ZNF329: variants seen among roughly 807,000 people sequenced by gnomAD.
The protein encoded by ZNF329 is zinc finger protein 329.
Under a neutral mutation model 26.6 loss-of-function variants are expected in ZNF329, and 15 were observed. The observed-to-expected ratio is 0.56, with a 90% CI of 0.38 to 0.87. The LOEUF (loss-of-function observed/expected upper bound fraction) is 0.87. ZNF329 is among the 40% of genes least tolerant of loss of function. The pLI is 0.00. For synonymous variants in ZNF329, 239 were observed against 233.5 expected (o/e 1.02, Z -0.21); for missense variants, 651 against 651.9 (o/e 1.00, Z 0.02).
intron 3 of ZNF329, among the ~76,000 whole-genome samples, chr19:58,139,133 G>A (rs1233233166): frequency 3.9e-5 from 6 of 152,026 alleles, no homozygotes; most frequent in Middle Eastern, 3.2e-3. Context: ...TCTCTTGGGG[G>A]TAGGGAGGCT....
chr19:58,143,983 AG>A (rs2075243153), intron 1 of ZNF329, among the ~76,000 whole-genome samples: 1 of 151,792 alleles, frequency 6.6e-6, no homozygotes, highest in Non-Finnish European at 1.5e-5. Context: ...CGGGAGGCTG[AG>A]GGAGAAGAAT....
At chr19:58,136,977 T>G (rs927220017) in intron 3 of ZNF329, 2 of 190,534 alleles carry the variant, frequency 1.0e-5, no homozygotes, top group Admixed American at 4.8e-5. Flanking sequence ...AGCCATAAAC[T>G]CAAAGTGATA....
chr19:58,149,316 A>G (rs2075396759), intron 1 of ZNF329, among the ~76,000 whole-genome samples: 1 of 152,096 alleles, frequency 6.6e-6, no homozygotes, highest in African/African-American at 2.4e-5. Context: ...CCATTTTTTT[A>G]TTCCTTTACT....
upstream of ZNF329, among the ~76,000 whole-genome samples, chr19:58,153,797 C>T (rs2075497883): frequency 6.6e-6 from 1 of 152,080 alleles, no homozygotes; most frequent in South Asian, 2.1e-4. Flanking sequence ...CAGCCTTGAC[C>T]TCCTGGGCTC....
In ZNF329 at chr19:58,127,969, C is replaced by T. The variant is rs200425807; in HGVS notation, c.1535G>A (p.Arg512Gln). Residue 512 changes from arginine to glutamine, a missense_variant, in exon 4 of 4, where the codon CGG (arginine) becomes CAG (glutamine). Physicochemically the swap from Arg to Gln is conservative, Grantham distance 43. Coordinates refer to ENST00000598312, the MANE Select transcript of ZNF329 (RefSeq NM_024620.4). Reference sequence around the variant, plus strand: ...GAACATTTTTCCACACTGAGGACACCGGCTGGGACCCTCCCTGCTATGGAG... The same window carrying T: ...GAACATTTTTCCACACTGAGGACACTGGCTGGGACCCTCCCTGCTATGGAG... ...QRLHSREGPS[R>Q]CPQCGKMFQK... The T allele has an allele frequency of 6.6e-5, 106 of 1,613,900 alleles. No homozygotes were observed. In the Admixed American group the frequency reaches 7.8e-4, roughly 12 times the overall value.
At position 58,143,090 on chromosome 19, in the gene ZNF329, C is replaced by G. The variant is rs159355; in HGVS notation, c.-114+15G>C. The G allele has an allele frequency of 6.6e-6, 1 of 152,158 alleles. No homozygotes were observed. Among genetic ancestry groups the G allele is most frequent in the Non-Finnish European group, 1.5e-5 (1 of 68,110 alleles). 9.4% of individuals were successfully genotyped at this position (152,158 alleles called of 1,614,324 possible). On this transcript the variant is annotated intron_variant, in intron 2 of 3. Transcript: ENST00000598312. ...ATGTAGTGAAATGCCTTTAGCCAGG[C>G]GTGATGGTGCATACCTGAAGTCCCA...
At chr19:58,152,527 G>A (rs930447469), upstream of ZNF329, among the ~76,000 whole-genome samples, 2 of 151,350 alleles carry the variant, frequency 1.3e-5, no homozygotes, top group Admixed American at 6.6e-5. Context: ...ACAACTTAAA[G>A]ATCATATGGA....
At chr19:58,144,396 A>ATATATTTT (rs756544055) in intron 1 of ZNF329, among the ~76,000 whole-genome samples, 3 of 127,716 alleles carry the variant, frequency 2.3e-5, no homozygotes, top group African/African-American at 9.0e-5. Context: ...ATATATATAT[A>ATATATTTT]TTTTTTTTTT....
intron 2 of ZNF329, among the ~76,000 whole-genome samples, 162 bp from the exon 3 acceptor site, chr19:58,142,823 G>T (rs2075216565): frequency 8.5e-5 from 13 of 152,192 alleles, no homozygotes; most frequent in Admixed American, 8.5e-4. Context: ...CAGCTTTCAA[G>T]CCCCAACCCC....
At chr19:58,143,722 C>T (rs1170159528) in intron 1 of ZNF329, among the ~76,000 whole-genome samples, 3 of 152,072 alleles carry the variant, frequency 2.0e-5, no homozygotes, top group Non-Finnish European at 4.4e-5. Context: ...AATTCACTCA[C>T]GCTCACACAC....
At position 58,127,741 on chromosome 19, in the gene ZNF329, G is replaced by A. The variant is rs2074831574; in HGVS notation, c.*137C>T. ...TGAGCAGACTTAACAGTGTGGCTCAGCAATGTCTCACATTCATCAATTCAC... is the reference window on the plus strand; with the variant it reads ...TGAGCAGACTTAACAGTGTGGCTCAACAATGTCTCACATTCATCAATTCAC... On this transcript the variant is annotated 3_prime_UTR_variant, in exon 4 of 4. Coordinates refer to ENST00000598312, the MANE Select transcript of ZNF329 (RefSeq NM_024620.4). 1.1e-6 allele frequency: 1 copy of A among 887,672 alleles called. No homozygotes were observed. Among genetic ancestry groups the A allele is most frequent in the Admixed American group, 2.7e-5 (1 of 37,244 alleles). 55.0% of individuals were successfully genotyped at this position (887,672 alleles called of 1,614,324 possible).
chr19:58,134,622 A>G (rs2075023415), intron 3 of ZNF329, among the ~76,000 whole-genome samples: 1 of 152,208 alleles, frequency 6.6e-6, no homozygotes, highest in Non-Finnish European at 1.5e-5. Context: ...AGGGCAATGT[A>G]ACAGTAACAA....
At chr19:58,139,620 T>A (rs371864568) in intron 3 of ZNF329, among the ~76,000 whole-genome samples, 2 of 152,162 alleles carry the variant, frequency 1.3e-5, no homozygotes, top group African/African-American at 4.8e-5. Context: ...CCTCGTGACC[T>A]AATTACCTCC....
intron 1 of ZNF329, among the ~76,000 whole-genome samples, chr19:58,148,391 TAAAAAAA>T (rs1241009357): frequency 5.8e-5 from 6 of 103,844 alleles, no homozygotes; most frequent in Non-Finnish European, 1.2e-4. Context: ...AATGATCAAT[TAAAAAAA>T]AAAAAAAAAA....
At position 58,129,292 on chromosome 19, in the gene ZNF329, T is replaced by C. The variant is rs757085489; in HGVS notation, c.212A>G (p.Glu71Gly). ...EAICEYPGFG[E>G]HLIASSDLPP... is the part of the protein sequence containing the mutation. ...AAGGTCTGAGCTTGCAATCAAATGCTCCCCAAAACCAGGATATTCACAAAT... is the reference window on the plus strand; with the variant it reads ...AAGGTCTGAGCTTGCAATCAAATGCCCCCCAAAACCAGGATATTCACAAAT... Residue 71 changes from glutamate (E) to glycine (G), a missense_variant, in exon 4 of 4, where the codon GAG becomes GGG. By Grantham distance (98) the Glu-to-Gly change is moderately conservative. Coordinates refer to ENST00000598312, the MANE Select transcript of ZNF329 (RefSeq NM_024620.4). The C allele has an allele frequency of 1.7e-5, 27 of 1,614,138 alleles. No homozygotes were observed. Among genetic ancestry groups the C allele is most frequent in the East Asian group, 4.5e-5 (2 of 44,882 alleles).
rs2074841990 is a variant in ZNF329 at position 58,128,078 on chromosome 19, T to C, written c.1426A>G (p.Ile476Val). ...TGATATGGGGTCTCCTTAGTGTGAA[T>C]TCTCTGGTGCTTGGTCAGACAGGAG... ...DSSCLTKHQR[I>V]HTKETPYQCP... is the part of the protein sequence containing the mutation. Residue 476 changes from isoleucine (I) to valine (V), a missense_variant, in exon 4 of 4, where the codon ATT becomes GTT. Ile to Val is a conservative substitution (Grantham distance 29, BLOSUM62 3). Transcript: ENST00000598312. 6.2e-7 allele frequency: 1 copy of C among 1,610,588 alleles called. No individual in the cohort carries two copies. The highest frequency in any genetic ancestry group is 8.5e-7 in the Non-Finnish European group (1 of 1,178,346).
chr19:58,137,340 G>A (rs998314127), intron 3 of ZNF329, among the ~76,000 whole-genome samples: 2 of 152,070 alleles, frequency 1.3e-5, no homozygotes, highest in East Asian at 3.9e-4. Flanking sequence ...GATCACCTGA[G>A]GTCAGGCATT....
chr19:58,142,624 T>G lies in ZNF329; in HGVS notation c.-76A>C, dbSNP rs1349800734. 6.6e-6 allele frequency: 1 copy of G among 152,670 alleles called. No individual in the cohort carries two copies. Among genetic ancestry groups the G allele is most frequent in the Non-Finnish European group, 1.5e-5 (1 of 68,050 alleles). The allele number at this position is 152,670 out of a possible 1,614,324, so 9.5% of individuals were successfully genotyped here. A position where few individuals can be genotyped will look rare whatever the true frequency, so the allele number is the denominator to read the frequency against. ...ACTTGACATCGATGGTTGCTGGACA[T>G]TAGCCATTTATGCCCATCCACACGG... On this transcript the variant is annotated 5_prime_UTR_variant, in exon 3 of 4. The change abolishes an upstream ATG in the 5' untranslated region. Coordinates refer to ENST00000598312, the MANE Select transcript of ZNF329 (RefSeq NM_024620.4).
At position 58,129,597 on chromosome 19, in the gene ZNF329, G is replaced by C; in HGVS notation, c.-8-86C>G. 7 of 1,188,752 alleles carry C rather than the reference G, an allele frequency of 5.9e-6. No individual in the cohort carries two copies. The Middle Eastern group carries it at 6.0e-4, about 102-fold the overall frequency. The allele number at this position is 1,188,752 out of a possible 1,614,324, so 73.6% of individuals were successfully genotyped here. A position where few individuals can be genotyped will look rare whatever the true frequency, so the allele number is the denominator to read the frequency against. On this transcript the variant is annotated intron_variant, in intron 3 of 3. Transcript: ENST00000598312. ...ACAATGATGATGGGCTAGGTGTAAAGATGTGTATTTTTTTACTTGTTTTCT... is the reference window on the plus strand; with the variant it reads ...ACAATGATGATGGGCTAGGTGTAAACATGTGTATTTTTTTACTTGTTTTCT...
Sources: allele counts gnomAD v4.1 joint callset (sites outside exome capture counted in the v4.1 genomes callset), GRCh38; gene constraint gnomAD v4.1.1; transcripts MANE v1.5; gene names NCBI Gene and HGNC (gene_info 2026-07-23, HGNC 2026-07-21).